Variants in TAS2R1 observed in about 807,000 individuals in gnomAD.
TAS2R1 encodes the protein taste receptor type 2 member 1.
For missense variants in TAS2R1, 370 were observed against 353.4 expected (o/e 1.05, Z -0.38); for synonymous variants, 141 against 134.2 (o/e 1.05, Z -0.35).
At chr5:9,877,628 A>G in the TAS2R1 span, among the ~76,000 whole-genome samples, 1 of 152,244 alleles carries the variant, frequency 6.6e-6, no homozygotes, top group African/African-American at 2.4e-5. Flanking sequence ...TTCCTGGCCC[A>G]TGCCATATCA....
the TAS2R1 span, among the ~76,000 whole-genome samples, chr5:9,736,571 T>C: frequency 1.5e-4 from 23 of 152,194 alleles, 1 homozygote; most frequent in Non-Finnish European, 2.4e-4. Context: ...CGGTGGTAAA[T>C]TGCTTGGTGA....
chr5:9,715,870 T>C (rs942825140), upstream of TAS2R1, among the ~76,000 whole-genome samples: 8 of 152,198 alleles, frequency 5.3e-5, no homozygotes, highest in African/African-American at 7.2e-5. Flanking sequence ...CAGAGCAAGA[T>C]TGAAATATAA....
At position 9,630,325 on chromosome 5, in the gene TAS2R1, T is replaced by A; in HGVS notation, c.-293A>T. On this transcript the variant is annotated 5_prime_UTR_variant, in exon 1 of 1. Transcript: ENST00000382492. ...AAGTCATCACAGGCAAATAATGGAA[T>A]CAGACACCTTCAGACAGCTGGGAGA... 3 of 221,132 alleles carry A rather than the reference T, an allele frequency of 1.4e-5. No homozygotes were observed. The highest frequency in any genetic ancestry group is 2.9e-5 in the Non-Finnish European group (3 of 102,122). 13.7% of individuals were successfully genotyped at this position (221,132 alleles called of 1,614,324 possible). A position where few individuals can be genotyped will look rare whatever the true frequency, so the allele number is the denominator to read the frequency against.
chr5:9,699,724 G>C (rs991879411), intron 1 of TAS2R1, among the ~76,000 whole-genome samples: 7 of 152,180 alleles, frequency 4.6e-5, no homozygotes, highest in African/African-American at 7.2e-5. Context: ...CTGTCCGTCA[G>C]CCACCTTGCC....
chr5:9,680,028 G>A (rs1301841112), intron 1 of TAS2R1, among the ~76,000 whole-genome samples: 2 of 152,124 alleles, frequency 1.3e-5, no homozygotes, highest in Admixed American at 6.5e-5. Context: ...TATAGAGTCA[G>A]ATAGTAAGGA....
At chr5:9,690,125 T>C (rs891198411) in intron 1 of TAS2R1, among the ~76,000 whole-genome samples, 1 of 152,232 alleles carries the variant, frequency 6.6e-6, no homozygotes, top group African/African-American at 2.4e-5. Flanking sequence ...CCTCTTCAAC[T>C]TTGTTGAAAG....
intron 2 of TAS2R1, among the ~76,000 whole-genome samples, chr5:9,646,937 T>TAGCCAA (rs1740200977): frequency 6.6e-6 from 1 of 152,194 alleles, no homozygotes; most frequent in Non-Finnish European, 1.5e-5. Flanking sequence ...AAGTCATTGC[T>TAGCCAA]AGCCAAACTA....
At chr5:9,660,611 T>TC (rs1029276406) in intron 1 of TAS2R1, among the ~76,000 whole-genome samples, 5 of 152,048 alleles carry the variant, frequency 3.3e-5, no homozygotes, top group African/African-American at 9.7e-5. Flanking sequence ...TGAATGACAG[T>TC]CCCCCTTGGA....
the TAS2R1 span, among the ~76,000 whole-genome samples, chr5:9,876,953 T>A: frequency 3.3e-5 from 5 of 152,144 alleles, no homozygotes; most frequent in African/African-American, 1.2e-4. Flanking sequence ...CCACCAATAC[T>A]CAAGATGCAG....
At chr5:9,727,688 G>T in the TAS2R1 span, among the ~76,000 whole-genome samples, 1 of 152,210 alleles carries the variant, frequency 6.6e-6, no homozygotes, top group Non-Finnish European at 1.5e-5. Flanking sequence ...AAGGAGTGCA[G>T]GACAGCTGGA....
the TAS2R1 span, among the ~76,000 whole-genome samples, chr5:9,834,551 A>G: frequency 6.6e-6 from 1 of 152,158 alleles, no homozygotes; most frequent in Non-Finnish European, 1.5e-5. Context: ...AGTTTGTAGA[A>G]TGAAAAAAAA....
intron 1 of TAS2R1, among the ~76,000 whole-genome samples, chr5:9,704,695 CAG>C (rs1741564425): frequency 6.6e-6 from 1 of 152,178 alleles, no homozygotes. Context: ...TAACTTATAA[CAG>C]AATGCAAATA....
chr5:9,749,116 C>T, the TAS2R1 span, among the ~76,000 whole-genome samples: 1 of 152,138 alleles, frequency 6.6e-6, no homozygotes, highest in African/African-American at 2.4e-5. Context: ...GTAGATCCAG[C>T]AACAGGTCTG....
the TAS2R1 span, among the ~76,000 whole-genome samples, chr5:9,771,582 A>G: frequency 6.6e-5 from 10 of 152,086 alleles, no homozygotes; most frequent in Admixed American, 6.5e-4. Flanking sequence ...TAGTCTGAGT[A>G]GTATTGGTAT....
chr5:9,658,145 A>G (rs1740453609), intron 2 of TAS2R1, among the ~76,000 whole-genome samples: 1 of 152,206 alleles, frequency 6.6e-6, no homozygotes, highest in African/African-American at 2.4e-5. Flanking sequence ...GAAAGCAATA[A>G]TAGTAGCTAA....
chr5:9,739,880 A>AT, the TAS2R1 span, among the ~76,000 whole-genome samples: 1 of 152,216 alleles, frequency 6.6e-6, no homozygotes, highest in South Asian at 2.1e-4. Context: ...ATAATGGTGC[A>AT]TTTTATATAA....
At chr5:9,879,817 T>G in the TAS2R1 span, among the ~76,000 whole-genome samples, 1 of 152,200 alleles carries the variant, frequency 6.6e-6, no homozygotes, top group Non-Finnish European at 1.5e-5. Context: ...CCCAGCCTGT[T>G]TGAACCATCA....
chr5:9,665,409 A>G (rs1338182826), intron 1 of TAS2R1, among the ~76,000 whole-genome samples: 1 of 152,238 alleles, frequency 6.6e-6, no homozygotes, highest in African/African-American at 2.4e-5. Flanking sequence ...TGGGTTTGGC[A>G]TCCTATCATC....
the TAS2R1 span, among the ~76,000 whole-genome samples, chr5:9,869,753 C>T: frequency 2.6e-5 from 4 of 152,182 alleles, no homozygotes; most frequent in Non-Finnish European, 4.4e-5. Flanking sequence ...TGACTTTGCC[C>T]TATGTGCCTT....
Sources: gnomAD v4.1 joint callset for allele counts (sites outside exome capture counted in the v4.1 genomes callset) on GRCh38, gnomAD v4.1.1 for gene constraint, MANE v1.5 for transcripts, NCBI Gene and HGNC (gene_info 2026-07-23, HGNC 2026-07-21) for gene names.